Variants in ZNF248 observed in about 807,000 individuals in gnomAD.
ZNF248 encodes KRAB protein domain.
In ZNF248, 20 loss-of-function variants were observed where a neutral mutation model predicts 44.3. That is an observed-to-expected ratio of 0.45 (90% CI 0.32 to 0.66). The LOEUF is 0.66. Ranked by LOEUF, ZNF248 falls within the 30% of genes least tolerant of loss-of-function variation. The pLI is 0.04. For synonymous variants in ZNF248, 224 were observed against 229.0 expected, an observed-to-expected ratio of 0.98 and a Z score of 0.20; for missense variants, 654 against 677.0, an observed-to-expected ratio of 0.97 and a Z score of 0.38.
downstream of ZNF248, among the ~76,000 whole-genome samples, chr10:37,771,726 T>C (rs1206454548): frequency 6.6e-6 from 1 of 151,990 alleles, no homozygotes; most frequent in Non-Finnish European, 1.5e-5. Flanking sequence ...TATACATATG[T>C]AACAAACCTG....
intron 3 of ZNF248, among the ~76,000 whole-genome samples, chr10:37,850,929 T>A (rs1680293743): frequency 1.3e-5 from 2 of 152,060 alleles, no homozygotes; most frequent in Admixed American, 1.3e-4. Context: ...AAAAGCATCA[T>A]CCGTAACAAA....
chr10:37,854,894 A>C (rs2061001986), intron 3 of ZNF248, among the ~76,000 whole-genome samples: 1 of 152,228 alleles, frequency 6.6e-6, no homozygotes, highest in Non-Finnish European at 1.5e-5. Flanking sequence ...AATAATGGAA[A>C]ATAGTGTGTA....
chr10:37,777,502 A>C (rs940712629), intron 6 of ZNF248, among the ~76,000 whole-genome samples: 7 of 147,960 alleles, frequency 4.7e-5, no homozygotes, highest in Non-Finnish European at 7.4e-5. Context: ...AATAAACGCC[A>C]TGGTTTACTG....
At chr10:37,820,707 C>T (rs971884912) in intron 6 of ZNF248, 14 of 1,358,882 alleles carry the variant, frequency 1.0e-5, no homozygotes, top group African/African-American at 7.2e-5. Flanking sequence ...ACTTCTTTAT[C>T]ACTCAAGGAT....
In ZNF248 at chr10:37,832,529, C is replaced by T. The variant is rs769254103; in HGVS notation, c.826G>A (p.Gly276Arg). 57 of 1,613,740 alleles carry T rather than the reference C, an allele frequency of 3.5e-5. No individual in the cohort carries two copies. Among genetic ancestry groups the T allele is most frequent in the Non-Finnish European group, 4.1e-5 (48 of 1,179,940 alleles). ...EMEPYGCSIC[G>R]KSFCMNLRFG... is the part of the protein sequence containing the mutation. The stretch of plus-strand genomic sequence containing the variant: ...CTTAAATTCATGCAGAAGGACTTCC[C>T]GCAAATACTGCATCCATACGGCTCC... Residue 276 changes from glycine (G) to arginine (R), a missense_variant, in exon 6 of 6, where the codon GGG becomes AGG. Gly to Arg is a moderately radical substitution (Grantham distance 125). Transcript: ENST00000395867.
At chr10:37,789,421 G>C (rs532448996) in intron 6 of ZNF248, among the ~76,000 whole-genome samples, 1 of 152,236 alleles carries the variant, frequency 6.6e-6, no homozygotes, top group South Asian at 2.1e-4. Context: ...GAGCTCAAAA[G>C]GTGTCTGCTG....
downstream of ZNF248, among the ~76,000 whole-genome samples, chr10:37,774,957 G>C (rs1439475200): frequency 4.6e-5 from 7 of 151,926 alleles, no homozygotes; most frequent in Non-Finnish European, 8.8e-5. Context: ...TTTTAGCAGA[G>C]ACTGGGTCTC....
intron 5 of ZNF248, among the ~76,000 whole-genome samples, chr10:37,835,681 A>C (rs1311644686): frequency 6.6e-6 from 1 of 152,200 alleles, no homozygotes; most frequent in Non-Finnish European, 1.5e-5. Flanking sequence ...AGAAGGAATA[A>C]GGAAAAGAAA....
chr10:37,830,595 C>A lies in ZNF248; in HGVS notation c.*1020G>T. 5.1e-6 allele frequency: 5 copies of A among 985,276 alleles called. No homozygotes were observed. The highest frequency in any genetic ancestry group is 6.0e-6 in the Non-Finnish European group (5 of 829,868). 61.0% of individuals were successfully genotyped at this position (985,276 alleles called of 1,614,324 possible). ...GGTATGTGGTTTGTATTGCCAAATA[C>A]GTTTTCATATATACACAGTGATGTG... On this transcript the variant is annotated 3_prime_UTR_variant, in exon 6 of 6. Transcript: ENST00000395867.
At position 37,831,734 on chromosome 10, in the gene ZNF248, T is replaced by C; in HGVS notation, c.1621A>G (p.Thr541Ala). ...TCATACGGCTTCTCCCCTGTGTGAG[T>C]CCTCTGATGTTTAGTGAGAGCTGAT... ...EKSALTKHQR[T>A]HTGEKPYECN... is the part of the protein sequence containing the mutation. Residue 541 changes from threonine (T) to alanine (A), a missense_variant, in exon 6 of 6, where the codon ACT becomes GCT. Physicochemically the swap from Thr to Ala is moderately conservative, Grantham distance 58 (BLOSUM62 0). Coordinates refer to ENST00000395867, the MANE Select transcript of ZNF248 (RefSeq NM_021045.3). 1.2e-6 allele frequency: 2 copies of C among 1,613,308 alleles called. No individual in the cohort carries two copies. The highest frequency in any genetic ancestry group is 1.7e-6 in the Non-Finnish European group (2 of 1,179,332).
rs538838392 is a variant in ZNF248 at position 37,830,882 on chromosome 10, T to C, written c.*733A>G. ...GAGTGCTGAGTATTTATTACCTTTGTTTTTAACTGTAAGTTTACATATTTT... is the reference window on the plus strand; with the variant it reads ...GAGTGCTGAGTATTTATTACCTTTGCTTTTAACTGTAAGTTTACATATTTT... On this transcript the variant is annotated 3_prime_UTR_variant, in exon 6 of 6. Transcript: ENST00000395867. 1 of 212,104 alleles carries C rather than the reference T, an allele frequency of 4.7e-6. No individual in the cohort carries two copies. The highest frequency in any genetic ancestry group is 1.6e-4 in the East Asian group (1 of 6,356). 13.1% of individuals were successfully genotyped at this position (212,104 alleles called of 1,614,324 possible). A position where few individuals can be genotyped will look rare whatever the true frequency, so the allele number is the denominator to read the frequency against.
At chr10:37,811,682 AT>A (rs71485969) in intron 6 of ZNF248, among the ~76,000 whole-genome samples, 15,447 of 131,056 alleles carry the variant, frequency 0.12, 855 homozygotes, top group Admixed American at 0.18. Context: ...AAAAAAAAAA[AT>A]ATATATATAT....
At chr10:37,798,639 T>C (rs1411431966) in intron 6 of ZNF248, among the ~76,000 whole-genome samples, 1 of 151,864 alleles carries the variant, frequency 6.6e-6, no homozygotes, top group Non-Finnish European at 1.5e-5. Context: ...AAGAAAGGGG[T>C]AAAAATATAT....
intron 6 of ZNF248, among the ~76,000 whole-genome samples, chr10:37,783,612 A>C (rs1024618801): frequency 1.3e-5 from 2 of 152,260 alleles, no homozygotes; most frequent in African/African-American, 4.8e-5. Context: ...TTTGGCTTAC[A>C]CAATAAAAAA....
chr10:37,776,671 G>A, intron 6 of ZNF248: 1 of 389,636 alleles, frequency 2.6e-6, no homozygotes, highest in Non-Finnish European at 4.5e-6. Flanking sequence ...TGACTATGCT[G>A]AAGGTTGGAT....
chr10:37,779,079 A>C (rs1378310912), intron 6 of ZNF248, among the ~76,000 whole-genome samples: 1 of 152,316 alleles, frequency 6.6e-6, no homozygotes, highest in African/African-American at 2.4e-5. Context: ...AAATTCTACC[A>C]GAGGTACAAG....
downstream of ZNF248, among the ~76,000 whole-genome samples, chr10:37,827,862 C>T (rs2133796483): frequency 6.6e-6 from 1 of 152,244 alleles, no homozygotes; most frequent in Middle Eastern, 3.4e-3. Flanking sequence ...TGTGAAGTGA[C>T]AGGGCCCACT....
At chr10:37,768,191 C>T in the ZNF248 span, among the ~76,000 whole-genome samples, 1 of 152,044 alleles carries the variant, frequency 6.6e-6, no homozygotes, top group African/African-American at 2.4e-5. Flanking sequence ...ACTTTAACAC[C>T]CCACTGACAA....
At chr10:37,770,705 G>A in the ZNF248 span, among the ~76,000 whole-genome samples, 1 of 152,316 alleles carries the variant, frequency 6.6e-6, no homozygotes, top group Admixed American at 6.5e-5. Context: ...TCAGGACACA[G>A]ACATGGGGAA....
Sources: allele counts gnomAD v4.1 joint callset (sites outside exome capture counted in the v4.1 genomes callset), GRCh38; gene constraint gnomAD v4.1.1; transcripts MANE v1.5; gene names NCBI Gene and HGNC (gene_info 2026-07-23, HGNC 2026-07-21).